The following EYS variants were observed in gnomAD, a reference collection of about 807,000 sequenced individuals.
EYS encodes protein eyes shut homolog.
Under a neutral mutation model 282.1 loss-of-function variants are expected in EYS, and 250 were observed. That is an observed-to-expected ratio of 0.89 (90% CI 0.80 to 0.98). EYS has a LOEUF of 0.98. EYS is among the 50% of genes least tolerant of loss of function. EYS has a pLI of 0.00. For missense variants in EYS, 4,016 were observed against 3,709.0 expected (o/e 1.08, Z -2.15); for synonymous variants, 1,355 against 1,282.9 (o/e 1.06, Z -1.20).
At chr6:64,393,223 T>C (rs9345049) in intron 28 of EYS, among the ~76,000 whole-genome samples, 42,140 of 151,976 alleles carry the variant, frequency 0.28, 5,958 homozygotes, top group East Asian at 0.46. Context: ...CTGGTACCAT[T>C]CCTTCTGAAA....
chr6:64,186,286 G>A (rs896652887), intron 31 of EYS, among the ~76,000 whole-genome samples: 3 of 144,246 alleles, frequency 2.1e-5, no homozygotes, highest in Non-Finnish European at 3.1e-5. Context: ...CACACACACG[G>A]TTCTGATTTT....
intron 5 of EYS, among the ~76,000 whole-genome samples, chr6:65,450,491 G>A (rs951978430): frequency 6.6e-6 from 1 of 152,156 alleles, no homozygotes; most frequent in Admixed American, 6.6e-5. Context: ...GACAGAGGTA[G>A]AAGTGGATTT....
chr6:64,384,845 G>A (rs1003241612), intron 29 of EYS, among the ~76,000 whole-genome samples: 3 of 152,126 alleles, frequency 2.0e-5, no homozygotes, highest in Non-Finnish European at 4.4e-5. Context: ...TGAGCTCTGG[G>A]TGATTTTGTT....
At chr6:64,406,149 A>G (rs912877417) in intron 28 of EYS, among the ~76,000 whole-genome samples, 15 of 152,322 alleles carry the variant, frequency 9.8e-5, no homozygotes, top group Admixed American at 8.5e-4. Flanking sequence ...GGCCTCAGAA[A>G]TACCACCACA....
intron 22 of EYS, among the ~76,000 whole-genome samples, chr6:64,758,349 T>C (rs768419904): frequency 1.3e-5 from 2 of 152,154 alleles, no homozygotes; most frequent in Non-Finnish European, 2.9e-5. Flanking sequence ...CATCAAAATA[T>C]AAGAGGATTA....
At chr6:64,940,308 A>T (rs138170968) in intron 15 of EYS, among the ~76,000 whole-genome samples, 3 of 152,128 alleles carry the variant, frequency 2.0e-5, no homozygotes, top group African/African-American at 7.2e-5. Context: ...TTGTCTGGTG[A>T]CTGCCAACAG....
intron 7 of EYS, among the ~76,000 whole-genome samples, chr6:65,394,096 G>C (rs1049628048): frequency 1.3e-5 from 2 of 151,940 alleles, no homozygotes; most frequent in African/African-American, 4.8e-5. Context: ...AAAGACACCA[G>C]CTGGTTTAAC....
At chr6:64,195,283 A>G (rs988561599) in intron 31 of EYS, among the ~76,000 whole-genome samples, 3 of 152,212 alleles carry the variant, frequency 2.0e-5, no homozygotes, top group Non-Finnish European at 4.4e-5. Flanking sequence ...ATGCAATTCA[A>G]TGGCTTTCCA....
intron 13 of EYS, among the ~76,000 whole-genome samples, chr6:65,046,583 C>T (rs1199813777): frequency 6.6e-6 from 1 of 151,800 alleles, no homozygotes; most frequent in Non-Finnish European, 1.5e-5. Flanking sequence ...ATTCTTCATT[C>T]AAGATTCCAA....
intron 12 of EYS, among the ~76,000 whole-genome samples, chr6:65,280,847 G>A (rs1265030929): frequency 4.4e-5 from 6 of 137,424 alleles, no homozygotes; most frequent in Admixed American, 7.3e-5. Context: ...GTGAAACCCC[G>A]TCTGTACTAA....
chr6:64,860,568 A>G (rs1436094991), intron 19 of EYS, among the ~76,000 whole-genome samples: 3 of 152,230 alleles, frequency 2.0e-5, no homozygotes, highest in Non-Finnish European at 4.4e-5. Context: ...TGGATACACC[A>G]GGACCTGCAG....
intron 22 of EYS, among the ~76,000 whole-genome samples, chr6:64,711,456 G>A (rs1318268046): frequency 6.6e-6 from 1 of 152,100 alleles, no homozygotes; most frequent in Non-Finnish European, 1.5e-5. Context: ...AATAGTTTAT[G>A]TATTACATGC....
intron 8 of EYS, among the ~76,000 whole-genome samples, chr6:65,356,081 T>C (rs1301361192): frequency 6.6e-6 from 1 of 152,060 alleles, no homozygotes; most frequent in Non-Finnish European, 1.5e-5. Flanking sequence ...AATCTAAGTG[T>C]CCACCAATTG....
intron 22 of EYS, among the ~76,000 whole-genome samples, chr6:64,648,661 C>A (rs531114058): frequency 5.3e-5 from 8 of 151,782 alleles, no homozygotes; most frequent in African/African-American, 1.9e-4. Flanking sequence ...ACAAGGTAAA[C>A]GATTTATAAT....
chr6:65,278,324 CTA>C (rs950601575), intron 12 of EYS, among the ~76,000 whole-genome samples: 39 of 37,834 alleles, frequency 1.0e-3, no homozygotes, highest in East Asian at 0.012. Flanking sequence ...CTATAGAAAT[CTA>C]TATATATATA....
At chr6:64,022,794 T>C (rs1210329676) in intron 33 of EYS, among the ~76,000 whole-genome samples, 2 of 152,200 alleles carry the variant, frequency 1.3e-5, no homozygotes, top group African/African-American at 4.8e-5. Flanking sequence ...CCAAAACTAG[T>C]GCCAATGAAT....
intron 8 of EYS, among the ~76,000 whole-genome samples, chr6:65,372,717 A>G (rs191088434): frequency 6.6e-6 from 1 of 152,202 alleles, no homozygotes; most frequent in Admixed American, 6.6e-5. Context: ...GCTTGATTAG[A>G]TATTCCTCAT....
chr6:64,969,021 T>C (rs551058446), intron 14 of EYS, among the ~76,000 whole-genome samples: 75 of 152,220 alleles, frequency 4.9e-4, no homozygotes, highest in African/African-American at 1.8e-3. Context: ...GTTCAAATTG[T>C]CTATTTCTCT....
At chr6:63,945,487 A>T (rs1765370131) in intron 35 of EYS, among the ~76,000 whole-genome samples, 1 of 152,206 alleles carries the variant, frequency 6.6e-6, no homozygotes, top group Admixed American at 6.5e-5. Flanking sequence ...GGTAAAGATT[A>T]AAGGTTTAGG....
Sources: gnomAD v4.1 joint callset for allele counts (sites outside exome capture counted in the v4.1 genomes callset) on GRCh38, gnomAD v4.1.1 for gene constraint, MANE v1.5 for transcripts, NCBI Gene and HGNC (gene_info 2026-07-23, HGNC 2026-07-21) for gene names.